The following CORO1C variants were observed in gnomAD, a reference collection of about 807,000 sequenced individuals.
CORO1C encodes coronin 1C.
A neutral mutation model predicts 51.2 loss-of-function variants in CORO1C; 14 were observed. The observed-to-expected ratio is 0.27, with a 90% CI of 0.18 to 0.43. The LOEUF is 0.43. CORO1C is among the 20% of genes least tolerant of loss of function. The pLI is 1.00. For missense variants in CORO1C, 417 were observed against 607.8 expected, an observed-to-expected ratio of 0.69 and a Z score of 3.30; for synonymous variants, 181 against 210.5, an observed-to-expected ratio of 0.86 and a Z score of 1.21.
At position 108,652,278 on chromosome 12, in the gene CORO1C, A is replaced by G; in HGVS notation, c.995T>C (p.Ile332Thr). 2 of 1,613,032 alleles carry G rather than the reference A, an allele frequency of 1.2e-6. No homozygotes were observed. Among genetic ancestry groups the G allele is most frequent in the Non-Finnish European group, 1.7e-6 (2 of 1,179,478 alleles). ...KRGLDVNKCE[I>T]ARFFKLHERK... Reference sequence around the variant, plus strand: ...GACAATCTCGATTCTTTACCTGGCAATCTCACATTTGTTAACATCAAGTCC... The same window carrying G: ...GACAATCTCGATTCTTTACCTGGCAGTCTCACATTTGTTAACATCAAGTCC... Residue 332 changes from isoleucine (I) to threonine (T), a missense_variant, in exon 8 of 11, where the codon ATT becomes ACT. Physicochemically the swap from Ile to Thr is moderately conservative, Grantham distance 89. Transcript: ENST00000261401.
chr12:108,655,253 T>C (rs2032887863), intron 6 of CORO1C, among the ~76,000 whole-genome samples: 1 of 152,194 alleles, frequency 6.6e-6, no homozygotes, highest in Non-Finnish European at 1.5e-5. Context: ...ACTATTTTGA[T>C]TTAGACAACT....
At chr12:108,686,921 T>C (rs547309544) in intron 2 of CORO1C, among the ~76,000 whole-genome samples, 62 of 152,226 alleles carry the variant, frequency 4.1e-4, no homozygotes, top group Non-Finnish European at 7.4e-4. Context: ...AAGGGAGAGG[T>C]GTAATGGCAC....
At position 108,662,117 on chromosome 12, in the gene CORO1C, A is replaced by G. The variant is rs760852964; in HGVS notation, c.360T>C (p.Thr120=). 4.3e-6 allele frequency: 7 copies of G among 1,613,836 alleles called. No individual in the cohort carries two copies. Among genetic ancestry groups the G allele is most frequent in the Admixed American group, 1.7e-5 (1 of 60,022 alleles). The part of the protein sequence containing the change: ...IPENGLTLSL[T]EPVVILEGHS... ...GGCCTTCCAAAATCACCACAGGTTC[A>G]GTCAGGGAAAGGGTGAGTCCATTTT... The change falls in exon 4 of 11, where the codon ACT becomes ACC. Residue 120 remains threonine, a synonymous_variant. Transcript: ENST00000261401.
chr12:108,711,463 T>G (rs2136876582), intron 1 of CORO1C, among the ~76,000 whole-genome samples: 1 of 151,776 alleles, frequency 6.6e-6, no homozygotes. Context: ...GTGGATCGCC[T>G]GAGGTCAGGA....
intron 3 of CORO1C, among the ~76,000 whole-genome samples, chr12:108,678,018 C>CAAA (rs139621669): frequency 7.5e-6 from 1 of 132,740 alleles, no homozygotes; most frequent in South Asian, 2.3e-4. Flanking sequence ...GACTCCATCT[C>CAAA]AAAAAAAAAA....
At chr12:108,676,977 A>G (rs572063953) in intron 3 of CORO1C, among the ~76,000 whole-genome samples, 1 of 152,310 alleles carries the variant, frequency 6.6e-6, no homozygotes, top group African/African-American at 2.4e-5. Context: ...AAAGCCCATG[A>G]GGAAAAGCGG....
intron 2 of CORO1C, among the ~76,000 whole-genome samples, chr12:108,689,623 C>T (rs1330637059): frequency 6.6e-6 from 1 of 152,202 alleles, no homozygotes; most frequent in African/African-American, 2.4e-5. Flanking sequence ...GTTACACCAC[C>T]CGAAGATGTA....
At chr12:108,719,822 A>G (rs575331678) in intron 1 of CORO1C, among the ~76,000 whole-genome samples, 3 of 152,212 alleles carry the variant, frequency 2.0e-5, no homozygotes, top group East Asian at 1.9e-4. Flanking sequence ...GGTTCTTGCC[A>G]TATCTATCTT....
Position 108,688,310 on chromosome 12 carries a change from T to TA in CORO1C, c.196-9917dup, listed in dbSNP as rs1018386761. On this transcript the variant is annotated intron_variant, in intron 2 of 10. Transcript: ENST00000261401. ...ATATTGAGGGCAGTACTGAGTACAATAAAAAAAACTGTTAATGTACACAAA... is the reference window on the plus strand; with the variant it reads ...ATATTGAGGGCAGTACTGAGTACAATAAAAAAAAACTGTTAATGTACACAAA... 5.8e-4 allele frequency among the ~76,000 whole-genome samples: 88 copies of TA among 152,000 alleles called. 1 individual carries two copies. Among genetic ancestry groups the TA allele is most frequent in the African/African-American group, 1.9e-3 (80 of 41,484 alleles).
intron 3 of CORO1C, among the ~76,000 whole-genome samples, chr12:108,662,892 T>C (rs1390538993): frequency 6.6e-6 from 1 of 152,116 alleles, no homozygotes; most frequent in Non-Finnish European, 1.5e-5. Context: ...AAAAACAACC[T>C]GCAGAATGGG....
At chr12:108,724,168 C>T (rs2035535224) in intron 1 of CORO1C, among the ~76,000 whole-genome samples, 1 of 152,172 alleles carries the variant, frequency 6.6e-6, no homozygotes, top group African/African-American at 2.4e-5. Flanking sequence ...ACAACAACAA[C>T]ATAGGTACAT....
intron 3 of CORO1C, among the ~76,000 whole-genome samples, chr12:108,677,951 G>A (rs887356017): frequency 3.3e-5 from 5 of 151,650 alleles, no homozygotes; most frequent in African/African-American, 4.9e-5. Context: ...CCCGGGAGGC[G>A]GAGGTTACAG....
intron 4 of CORO1C, among the ~76,000 whole-genome samples, chr12:108,659,360 C>T (rs1391527647): frequency 2.0e-5 from 3 of 152,148 alleles, no homozygotes; most frequent in Non-Finnish European, 2.9e-5. Context: ...TAGGCAAATA[C>T]GCTCCTTCCT....
intron 1 of CORO1C, among the ~76,000 whole-genome samples, chr12:108,720,134 C>T (rs567198907): frequency 2.0e-5 from 3 of 151,968 alleles, no homozygotes; most frequent in Non-Finnish European, 4.4e-5. Context: ...TGCATTGAGC[C>T]TCAATCACAC....
At chr12:108,649,234 G>T in intron 8 of CORO1C, 1 of 602,382 alleles carries the variant, frequency 1.7e-6, no homozygotes, top group Non-Finnish European at 2.9e-6. Context: ...GGAACTGGCA[G>T]ACTGGAGACA....
At chr12:108,692,948 C>T (rs888564542) in intron 2 of CORO1C, among the ~76,000 whole-genome samples, 3 of 152,040 alleles carry the variant, frequency 2.0e-5, no homozygotes, top group Non-Finnish European at 2.9e-5. Flanking sequence ...CAGGCGTGTG[C>T]CACCATGCCC....
intron 2 of CORO1C, among the ~76,000 whole-genome samples, chr12:108,693,834 T>A (rs537782911): frequency 6.6e-6 from 1 of 152,076 alleles, no homozygotes; most frequent in African/African-American, 2.4e-5. Flanking sequence ...CTTTAGCTCC[T>A]ACGCAGAGGA....
intron 2 of CORO1C, among the ~76,000 whole-genome samples, chr12:108,679,336 T>C (rs1342555893): frequency 6.6e-6 from 1 of 152,146 alleles, no homozygotes; most frequent in African/African-American, 2.4e-5. Context: ...CACATCTGAT[T>C]AAGAATAAAA....
At chr12:108,706,470 G>A (rs369569296) in intron 1 of CORO1C, among the ~76,000 whole-genome samples, 61 of 152,212 alleles carry the variant, frequency 4.0e-4, no homozygotes, top group African/African-American at 1.4e-3. Context: ...CATTCAGATT[G>A]GAAAGAAAGA....
Sources: allele counts gnomAD v4.1 joint callset (sites outside exome capture counted in the v4.1 genomes callset), GRCh38; gene constraint gnomAD v4.1.1; transcripts MANE v1.5; gene names NCBI Gene and HGNC (gene_info 2026-07-23, HGNC 2026-07-21).